Variants in NTF3 observed in about 807,000 individuals in gnomAD.
The protein encoded by NTF3 is neurotrophin 3, also known as neurotrophin-3.
In NTF3, 8 loss-of-function variants were observed where a neutral mutation model predicts 26.3. That is an observed-to-expected ratio of 0.30 (90% confidence interval 0.18 to 0.55). The LOEUF is 0.55. Ranked by LOEUF, NTF3 falls within the 20% of genes least tolerant of loss-of-function variation. NTF3 has a pLI of 0.93. For synonymous variants in NTF3, 154 were observed against 145.5 expected (o/e 1.06, Z -0.42); for missense variants, 276 against 352.9 (o/e 0.78, Z 1.75).
At chr12:5,432,459 C>G (rs1042853502) in intron 1 of NTF3, 117 bp downstream of exon 1, 4 of 1,143,316 alleles carry the variant, frequency 3.5e-6, no homozygotes, top group Non-Finnish European at 3.8e-6. Flanking sequence ...CGCCCCACCC[C>G]CATCGCGCCG....
At position 5,494,334 on chromosome 12, in the gene NTF3, G is replaced by C. The variant is rs1326986715; in HGVS notation, c.159G>C (p.Gln53His). ...SLNSLIIKLI[Q>H]ADILKNKLSK... ...ATTCCCTCATTATTAAGCTGATCCA[G>C]GCAGATATTTTGAAAAACAAGCTCT... The change falls in exon 2 of 2, where the codon CAG (glutamine) becomes CAC (histidine). Residue 53 changes from glutamine to histidine, a missense_variant. Gln to His is a conservative substitution (Grantham distance 24, BLOSUM62 0). This residue lies in a region of NTF3 where 221 missense variants were observed against 258.2 expected (regional missense o/e 0.86). Coordinates refer to ENST00000423158, the MANE Select transcript of NTF3 (RefSeq NM_001102654.2). This position sits in a 1 kb window ranked among gnomAD's most constrained non-coding sequence, Gnocchi z 8.3. 1.2e-6 allele frequency: 2 copies of C among 1,613,974 alleles called. No individual in the cohort carries two copies. Among genetic ancestry groups the C allele is most frequent in the Admixed American group, 3.3e-5 (2 of 60,000 alleles).
chr12:5,455,698 G>A (rs1940437397), intron 1 of NTF3, among the ~76,000 whole-genome samples: 1 of 152,180 alleles, frequency 6.6e-6, no homozygotes, highest in African/African-American at 2.4e-5. Context: ...GGGTGCTGGG[G>A]ACAATGGAAA....
At chr12:5,435,000 T>C (rs554486918) in intron 1 of NTF3, among the ~76,000 whole-genome samples, 1 of 152,092 alleles carries the variant, frequency 6.6e-6, no homozygotes, top group Admixed American at 6.5e-5. Flanking sequence ...CGGGTTGGTG[T>C]TGGTGTTTGC....
At chr12:5,460,313 C>A (rs916753003) in intron 1 of NTF3, among the ~76,000 whole-genome samples, 1 of 152,152 alleles carries the variant, frequency 6.6e-6, no homozygotes, top group African/African-American at 2.4e-5. Flanking sequence ...AGTTTCACTG[C>A]CCTAAAACTC....
At chr12:5,474,706 A>G (rs1940702031) in intron 1 of NTF3, among the ~76,000 whole-genome samples, 1 of 152,342 alleles carries the variant, frequency 6.6e-6, no homozygotes, top group Non-Finnish European at 1.5e-5. Flanking sequence ...GGAGAGGGCA[A>G]AATAGGGTCT....
intron 1 of NTF3, among the ~76,000 whole-genome samples, chr12:5,482,909 C>T (rs1156330675): frequency 6.7e-6 from 1 of 150,270 alleles, no homozygotes; most frequent in Non-Finnish European, 1.5e-5. Context: ...TGTCTTTCTG[C>T]ATCTCTGTTT....
rs560101732 is a variant in NTF3 at position 5,433,507 on chromosome 12, C to T, written c.18+1165C>T. ...GTAGGATTCTGCTTGTTGCTCTCCGCGGGAGTGGGTGCGCGTCCAGGAGGC... is the reference window on the plus strand; with the variant it reads ...GTAGGATTCTGCTTGTTGCTCTCCGTGGGAGTGGGTGCGCGTCCAGGAGGC... On this transcript the variant is annotated intron_variant, in intron 1 of 1. Coordinates refer to ENST00000423158, the MANE Select transcript of NTF3 (RefSeq NM_001102654.2). This position sits in a 1 kb window ranked among gnomAD's most constrained non-coding sequence, Gnocchi z 4.6. Among the ~76,000 whole-genome samples, 2 of 151,692 alleles carry T rather than the reference C, an allele frequency of 1.3e-5. No homozygotes were observed. The highest frequency in any genetic ancestry group is 4.8e-5 in the African/African-American group (2 of 41,358).
chr12:5,465,392 A>C (rs1267398774), intron 1 of NTF3, among the ~76,000 whole-genome samples: 1 of 152,370 alleles, frequency 6.6e-6, no homozygotes, highest in South Asian at 2.1e-4. Context: ...ACACCACGAC[A>C]ACGTGTGTTT....
intron 1 of NTF3, among the ~76,000 whole-genome samples, chr12:5,446,984 GAC>G (rs1372433928): frequency 6.6e-6 from 1 of 152,182 alleles, no homozygotes. Context: ...GCGGGGTGGA[GAC>G]AGGCTTCTTC....
chr12:5,460,048 G>A (rs948327120), intron 1 of NTF3, among the ~76,000 whole-genome samples: 2 of 152,146 alleles, frequency 1.3e-5, no homozygotes, highest in African/African-American at 4.8e-5. Flanking sequence ...TTTTAGAACA[G>A]TTTTAAGTTC....
chr12:5,486,215 A>G (rs1166578572), intron 1 of NTF3, among the ~76,000 whole-genome samples: 2 of 152,222 alleles, frequency 1.3e-5, no homozygotes, highest in East Asian at 1.9e-4. Flanking sequence ...CTGGGGGCCA[A>G]ATCAGTATGG....
upstream of NTF3, among the ~76,000 whole-genome samples, chr12:5,431,151 G>A (rs746469450): frequency 2.6e-5 from 4 of 152,094 alleles, no homozygotes; most frequent in Non-Finnish European, 5.9e-5. Context: ...TGTATCCACC[G>A]GTGGGGAAGT....
intron 1 of NTF3, among the ~76,000 whole-genome samples, chr12:5,465,805 A>G (rs943528639): frequency 6.6e-6 from 1 of 152,252 alleles, no homozygotes; most frequent in African/African-American, 2.4e-5. Context: ...TCCATCAGGG[A>G]AACCATAGCA....
chr12:5,453,043 T>C (rs1940395715), intron 1 of NTF3, among the ~76,000 whole-genome samples: 1 of 152,186 alleles, frequency 6.6e-6, no homozygotes. Context: ...TCCTCAAGTT[T>C]CTCATCTGTA....
At chr12:5,440,037 A>G (rs67523679) in intron 1 of NTF3, among the ~76,000 whole-genome samples, 13,149 of 152,176 alleles carry the variant, frequency 0.086, 623 homozygotes, top group South Asian at 0.12. Flanking sequence ...AGTACCAGAA[A>G]TAGAGAAGCC....
upstream of NTF3, among the ~76,000 whole-genome samples, chr12:5,431,115 C>A (rs962789185): frequency 6.6e-6 from 1 of 152,096 alleles, no homozygotes; most frequent in African/African-American, 2.4e-5. Flanking sequence ...GAGATTTTGA[C>A]CCCCTCCCCC....
At chr12:5,461,224 G>A (rs1347797277) in intron 1 of NTF3, among the ~76,000 whole-genome samples, 1 of 152,170 alleles carries the variant, frequency 6.6e-6, no homozygotes, top group Non-Finnish European at 1.5e-5. Context: ...CTCCAAGCAT[G>A]ACGTCTGTGC....
At chr12:5,493,653 A>T (rs544628005) in intron 1 of NTF3, among the ~76,000 whole-genome samples, 156 of 152,272 alleles carry the variant, frequency 1.0e-3, no homozygotes, top group African/African-American at 3.7e-3. Context: ...CGGCCTGGCC[A>T]GGGATGACCC....
intron 1 of NTF3, among the ~76,000 whole-genome samples, chr12:5,468,270 T>A (rs1245217359): frequency 6.6e-6 from 1 of 152,216 alleles, no homozygotes; most frequent in Non-Finnish European, 1.5e-5. Context: ...AAGAGAGAGA[T>A]GTTTTCCACC....
Sources: allele counts gnomAD v4.1 joint callset (sites outside exome capture counted in the v4.1 genomes callset), GRCh38; gene constraint gnomAD v4.1.1; regional missense constraint gnomAD v4.1.1; non-coding constraint Gnocchi (gnomAD v3.1); transcripts MANE v1.5; gene names NCBI Gene and HGNC (gene_info 2026-07-23, HGNC 2026-07-21).